The following PXDNL variants were observed in gnomAD, a reference collection of about 807,000 sequenced individuals.
PXDNL encodes the protein probable oxidoreductase PXDNL.
Under a neutral mutation model 150.8 loss-of-function variants are expected in PXDNL, and 145 were observed. The observed-to-expected ratio is 0.96, with a 90% confidence interval of 0.84 to 1.10. The LOEUF is 1.10. Ranked by LOEUF, PXDNL falls within the 50% of genes least tolerant of loss-of-function variation. The pLI, the probability that PXDNL is intolerant of heterozygous loss-of-function variation, is 0.00. For missense variants in PXDNL, 2,087 were observed against 1,873.9 expected (o/e 1.11, Z -2.10); for synonymous variants, 757 against 725.7 (o/e 1.04, Z -0.69).
chr8:51,729,571 C>T (rs1189411050), intron 1 of PXDNL, among the ~76,000 whole-genome samples: 1 of 152,180 alleles, frequency 6.6e-6, no homozygotes, highest in African/African-American at 2.4e-5. Context: ...AGTAGAGCCA[C>T]TTTGGGAAAG....
intron 20 of PXDNL, among the ~76,000 whole-genome samples, chr8:51,341,383 T>TGTGAG (rs1563365149): frequency 6.6e-6 from 1 of 152,208 alleles, no homozygotes; most frequent in Non-Finnish European, 1.5e-5. Flanking sequence ...AATATAAATA[T>TGTGAG]ATTCACCACC....
intron 17 of PXDNL, among the ~76,000 whole-genome samples, chr8:51,386,772 G>A (rs1053787620): frequency 1.3e-5 from 2 of 150,464 alleles, no homozygotes; most frequent in Non-Finnish European, 1.5e-5. Flanking sequence ...AGCCAAGATA[G>A]CACCACTGCA....
At chr8:51,722,548 G>T (rs12541234) in intron 1 of PXDNL, among the ~76,000 whole-genome samples, 23,026 of 152,202 alleles carry the variant, frequency 0.15, 2,065 homozygotes, top group Non-Finnish European at 0.2. Flanking sequence ...ATGAATGCAG[G>T]GTTTTTATTG....
chr8:51,459,692 A>C (rs990543611), intron 8 of PXDNL, among the ~76,000 whole-genome samples: 94 of 152,228 alleles, frequency 6.2e-4, no homozygotes, highest in African/African-American at 2.2e-3. Flanking sequence ...GTTTCAATAT[A>C]TTCCATTCAC....
intron 5 of PXDNL, among the ~76,000 whole-genome samples, chr8:51,486,755 TATATA>T (rs1810748722): frequency 6.0e-5 from 1 of 16,692 alleles, no homozygotes; most frequent in African/African-American, 3.0e-4. Context: ...AAAGTTTATA[TATATA>T]TATATATATA....
intron 19 of PXDNL, among the ~76,000 whole-genome samples, chr8:51,369,703 C>T (rs1807036781): frequency 6.6e-6 from 1 of 151,294 alleles, no homozygotes; most frequent in South Asian, 2.1e-4. Context: ...TAGATGTTTA[C>T]TGCTGGCTTA....
intron 1 of PXDNL, among the ~76,000 whole-genome samples, chr8:51,658,356 A>G (rs1296641016): frequency 2.7e-5 from 3 of 111,028 alleles, no homozygotes; most frequent in Non-Finnish European, 5.2e-5. Context: ...AAAAAAAAAA[A>G]AAAAAGAAAA....
chr8:51,355,858 C>T (rs2915471), intron 19 of PXDNL, among the ~76,000 whole-genome samples: 111,552 of 152,148 alleles, frequency 0.73, 41,442 homozygotes, highest in East Asian at 0.94. Flanking sequence ...AATGTCAAGA[C>T]TGTTGCATTT....
chr8:51,654,300 A>G (rs1293356730), intron 2 of PXDNL, among the ~76,000 whole-genome samples: 2 of 152,230 alleles, frequency 1.3e-5, no homozygotes, highest in African/African-American at 2.4e-5. Flanking sequence ...GAGTATCACA[A>G]ATAAGAAGGC....
At chr8:51,362,164 G>A (rs983175967) in intron 19 of PXDNL, among the ~76,000 whole-genome samples, 2 of 151,978 alleles carry the variant, frequency 1.3e-5, no homozygotes, top group African/African-American at 2.4e-5. Context: ...TTATTATTCT[G>A]CCCCAAAGGC....
intron 3 of PXDNL, among the ~76,000 whole-genome samples, chr8:51,573,951 A>G (rs141843657): frequency 1.6e-4 from 25 of 152,144 alleles, no homozygotes; most frequent in African/African-American, 6.0e-4. Flanking sequence ...ATGTAAAGAC[A>G]AAGAGAGAAG....
At chr8:51,661,988 C>T (rs991435004) in intron 1 of PXDNL, among the ~76,000 whole-genome samples, 5 of 152,004 alleles carry the variant, frequency 3.3e-5, no homozygotes, top group Admixed American at 2.0e-4. Flanking sequence ...TTCTATCTAG[C>T]GTCTTCACTT....
intron 3 of PXDNL, among the ~76,000 whole-genome samples, chr8:51,575,156 G>T (rs1399514589): frequency 6.6e-6 from 1 of 151,938 alleles, no homozygotes; most frequent in African/African-American, 2.4e-5. Flanking sequence ...GAGGAGGAAA[G>T]ATTTTTATAC....
At chr8:51,375,903 A>G (rs1586047956) in intron 17 of PXDNL, among the ~76,000 whole-genome samples, 1 of 152,338 alleles carries the variant, frequency 6.6e-6, no homozygotes, top group East Asian at 1.9e-4. Flanking sequence ...ATATAAACAA[A>G]CAGACATAGT....
intron 2 of PXDNL, among the ~76,000 whole-genome samples, chr8:51,617,933 C>T (rs144986577): frequency 4.9e-4 from 74 of 152,366 alleles, no homozygotes; most frequent in African/African-American, 1.7e-3. Context: ...CGCACACGCA[C>T]ACACTGTGAG....
intron 1 of PXDNL, among the ~76,000 whole-genome samples, chr8:51,802,146 A>G (rs1421283760): frequency 6.7e-6 from 1 of 150,142 alleles, no homozygotes; most frequent in Admixed American, 6.6e-5. Context: ...TTTTTTAAGT[A>G]TTTTTAGCTG....
At chr8:51,666,106 C>T (rs530086441) in intron 1 of PXDNL, among the ~76,000 whole-genome samples, 1 of 152,328 alleles carries the variant, frequency 6.6e-6, no homozygotes, top group Admixed American at 6.5e-5. Context: ...TTTACCACTT[C>T]GTTCAAATCA....
At chr8:51,539,329 T>C (rs1400083160) in intron 4 of PXDNL, among the ~76,000 whole-genome samples, 1 of 152,130 alleles carries the variant, frequency 6.6e-6, no homozygotes, top group African/African-American at 2.4e-5. Flanking sequence ...TTATGCATGA[T>C]ATATTTTTAT....
intron 1 of PXDNL, among the ~76,000 whole-genome samples, chr8:51,708,874 G>C (rs1358108713): frequency 6.6e-6 from 1 of 152,120 alleles, no homozygotes; most frequent in African/African-American, 2.4e-5. Flanking sequence ...CAAAGCTGGA[G>C]TTATAAATCT....
Sources: gnomAD v4.1 joint callset for allele counts (sites outside exome capture counted in the v4.1 genomes callset) on GRCh38, gnomAD v4.1.1 for gene constraint, MANE v1.5 for transcripts, NCBI Gene and HGNC (gene_info 2026-07-23, HGNC 2026-07-21) for gene names.